ANK1: variants seen among roughly 807,000 people sequenced by gnomAD.
ANK1 encodes the protein ankyrin 1.
In ANK1, 51 loss-of-function variants were observed where a neutral mutation model predicts 210.4. That is an observed-to-expected ratio of 0.24 (90% CI 0.19 to 0.31). The LOEUF (loss-of-function observed/expected upper bound fraction) is 0.31. Ranked by LOEUF, ANK1 falls within the 10% of genes least tolerant of loss-of-function variation. ANK1 has a pLI of 1.00. For synonymous variants in ANK1, 967 were observed against 1,025.9 expected (o/e 0.94, Z 1.10); for missense variants, 2,051 against 2,504.4 (o/e 0.82, Z 3.86).
At chr8:41,723,426 G>A in intron 8 of ANK1, 109 bp downstream of exon 8, 1 of 1,336,376 alleles carries the variant, frequency 7.5e-7, no homozygotes, top group African/African-American at 1.4e-5. Flanking sequence ...GCTCCGGGAG[G>A]CTGGTGGTGC....
chr8:41,712,518 A>T (rs1237829072), intron 16 of ANK1, among the ~76,000 whole-genome samples: 1 of 152,226 alleles, frequency 6.6e-6, no homozygotes, highest in Non-Finnish European at 1.5e-5. Context: ...TCTGCAGGTG[A>T]CAAGGACAAG....
At chr8:41,807,765 A>C (rs1005404725) in intron 1 of ANK1, among the ~76,000 whole-genome samples, 1 of 152,140 alleles carries the variant, frequency 6.6e-6, no homozygotes. Flanking sequence ...TAGTGTTCAA[A>C]GGACGCTAGT....
chr8:41,708,827 A>G lies in ANK1; in HGVS notation c.1949T>C (p.Met650Thr). 3 of 1,614,038 alleles carry G rather than the reference A, an allele frequency of 1.9e-6. No homozygotes were observed. The highest frequency in any genetic ancestry group is 2.5e-6 in the Non-Finnish European group (3 of 1,180,042). ...TTGTTTCGAGAGCAGCAGAGCCACC[A>G]TCTCTGCGTGGCCCTCCTGGGCGGC... ...HLAAQEGHAE[M>T]VALLLSKQAN... The change falls in exon 17 of 43, where the codon ATG becomes ACG. Residue 650 changes from methionine (M) to threonine (T), a missense_variant. Physicochemically the swap from Met to Thr is moderately conservative, Grantham distance 81 (BLOSUM62 -1). Around this residue, in one of 6 missense-constraint regions of ANK1, gnomAD observed 1,413 missense variants for 1,707.4 expected, o/e 0.83. Transcript: ENST00000289734.
At chr8:41,739,521 CTTT>C (rs71239075) in intron 2 of ANK1, among the ~76,000 whole-genome samples, 21 of 116,104 alleles carry the variant, frequency 1.8e-4, no homozygotes, top group Admixed American at 2.7e-4. Context: ...TTTTTTCTTT[CTTT>C]TTTTTTTTTT....
chr8:41,667,902 C>T (rs1024599158), intron 39 of ANK1, among the ~76,000 whole-genome samples: 3 of 152,204 alleles, frequency 2.0e-5, no homozygotes, highest in East Asian at 1.9e-4. Context: ...GTAAGCCCAA[C>T]GCCCAGTGCT....
intron 2 of ANK1, among the ~76,000 whole-genome samples, chr8:41,752,587 C>G (rs550009388): frequency 6.6e-6 from 1 of 152,160 alleles, no homozygotes; most frequent in African/African-American, 2.4e-5. Flanking sequence ...TTCCACACAC[C>G]GGTCTGCTCC....
chr8:41,824,628 T>C (rs1344409184), intron 1 of ANK1, among the ~76,000 whole-genome samples: 1 of 152,078 alleles, frequency 6.6e-6, no homozygotes, highest in Non-Finnish European at 1.5e-5. Flanking sequence ...TAAAGATGGG[T>C]CACGAATTCT....
At chr8:41,817,657 T>G (rs1803548516) in intron 1 of ANK1, among the ~76,000 whole-genome samples, 1 of 152,260 alleles carries the variant, frequency 6.6e-6, no homozygotes, top group Admixed American at 6.5e-5. Context: ...TTTAATAAAC[T>G]GTTTTCTTTC....
At chr8:41,811,852 A>C (rs2150783828) in intron 1 of ANK1, among the ~76,000 whole-genome samples, 1 of 152,322 alleles carries the variant, frequency 6.6e-6, no homozygotes, top group East Asian at 1.9e-4. Flanking sequence ...CTATACTTTT[A>C]GTTTGTCCAT....
At chr8:41,671,196 G>C (rs1377697418) in intron 38 of ANK1, among the ~76,000 whole-genome samples, 1 of 152,154 alleles carries the variant, frequency 6.6e-6, no homozygotes, top group African/African-American at 2.4e-5. Flanking sequence ...CGGGAAGCGT[G>C]GGGAAGAGAG....
chr8:41,704,191 C>G lies in ANK1; in HGVS notation c.2197-52G>C, dbSNP rs776052122. On this transcript the variant is annotated intron_variant, in intron 19 of 42. Transcript: ENST00000289734. This position sits in a 1 kb window ranked among gnomAD's most constrained non-coding sequence, Gnocchi z 4.1. ...GGGTTAGCCAGCCACTAGACAGAGA[C>G]CTGCCTACACATGATAGTGCCTGCC... 6.7e-7 allele frequency: 1 copy of G among 1,502,004 alleles called. No individual in the cohort carries two copies. Among genetic ancestry groups the G allele is most frequent in the South Asian group, 1.1e-5 (1 of 88,738 alleles). 93.0% of individuals were successfully genotyped at this position (1,502,004 alleles called of 1,614,324 possible).
chr8:41,804,404 C>T (rs1443212739), intron 1 of ANK1, among the ~76,000 whole-genome samples: 1 of 152,214 alleles, frequency 6.6e-6, no homozygotes, highest in Non-Finnish European at 1.5e-5. Context: ...AACCAGCCCA[C>T]CCTCAACAGC....
chr8:41,730,655 T>C (rs756064717), intron 3 of ANK1, among the ~76,000 whole-genome samples: 4 of 152,344 alleles, frequency 2.6e-5, no homozygotes, highest in Admixed American at 6.5e-5. Flanking sequence ...TAATTTTTCA[T>C]AGAAGTCCAA....
Position 41,704,617 on chromosome 8 carries a change from G to T in ANK1, c.2098-145C>A. On this transcript the variant is annotated intron_variant, in intron 18 of 42. Coordinates refer to ENST00000289734, the MANE Select transcript of ANK1 (RefSeq NM_000037.4). This position sits in a 1 kb window ranked among gnomAD's most constrained non-coding sequence, Gnocchi z 4.1. The stretch of plus-strand genomic sequence containing the variant: ...TGACAAGCTGAATGGCTGCTGCTGG[G>T]CAGAGACCACCAGGCTGAGATGCTT... The T allele has an allele frequency of 1.3e-6, 1 of 758,534 alleles. No homozygotes were observed. The highest frequency in any genetic ancestry group is 2.0e-5 in the Admixed American group (1 of 49,852). The allele number at this position is 758,534 out of a possible 1,614,324, so 47.0% of individuals were successfully genotyped here.
At chr8:41,849,448 C>T (rs1330890684) in intron 1 of ANK1, among the ~76,000 whole-genome samples, 2 of 151,916 alleles carry the variant, frequency 1.3e-5, no homozygotes, top group Admixed American at 6.6e-5. Flanking sequence ...TGCTTGAACC[C>T]GGGAGGCAGA....
At position 41,704,163 on chromosome 8, in the gene ANK1, G is replaced by A; in HGVS notation, c.2197-24C>T. 6.2e-7 allele frequency: 1 copy of A among 1,606,208 alleles called. No homozygotes were observed. Among genetic ancestry groups the A allele is most frequent in the Non-Finnish European group, 8.5e-7 (1 of 1,173,938 alleles). On this transcript the variant is annotated intron_variant, in intron 19 of 42. Transcript: ENST00000289734. This position sits in a 1 kb window ranked among gnomAD's most constrained non-coding sequence, Gnocchi z 4.1. ...AGCTGCAAAGTGAGCAGACATTTAG[G>A]CAGGGTTAGCCAGCCACTAGACAGA...
chr8:41,862,554 A>G (rs1813477223), intron 1 of ANK1, among the ~76,000 whole-genome samples: 1 of 151,522 alleles, frequency 6.6e-6, no homozygotes, highest in Non-Finnish European at 1.5e-5. Flanking sequence ...TTTATACCCA[A>G]TTTTTGCAAG....
chr8:41,863,023 A>C (rs1813591212), intron 1 of ANK1, among the ~76,000 whole-genome samples: 1 of 151,584 alleles, frequency 6.6e-6, no homozygotes, highest in Non-Finnish European at 1.5e-5. Flanking sequence ...AAAAATAAAA[A>C]ATAAAAAGTT....
chr8:41,689,393 A>C (rs1818640046), intron 33 of ANK1, among the ~76,000 whole-genome samples: 1 of 151,440 alleles, frequency 6.6e-6, no homozygotes, highest in Non-Finnish European at 1.5e-5. Flanking sequence ...CTCCCAAAGC[A>C]CTGGGGTTAC....
Sources: allele counts gnomAD v4.1 joint callset (sites outside exome capture counted in the v4.1 genomes callset), GRCh38; gene constraint gnomAD v4.1.1; regional missense constraint gnomAD v4.1.1; non-coding constraint Gnocchi (gnomAD v3.1); transcripts MANE v1.5; gene names NCBI Gene and HGNC (gene_info 2026-07-23, HGNC 2026-07-21).